The following CXADR variants were observed in gnomAD, a reference collection of about 807,000 sequenced individuals.
The protein encoded by CXADR is coxsackievirus and adenovirus receptor.
In CXADR, 20 loss-of-function variants were observed where a neutral mutation model predicts 40.3. That is an observed-to-expected ratio of 0.50 (90% CI 0.35 to 0.72). The LOEUF (loss-of-function observed/expected upper bound fraction) is 0.72. Among genes scored for constraint, CXADR ranks in the 30% least tolerant of loss-of-function variants. The pLI, the probability that CXADR is intolerant of heterozygous loss-of-function variation, is 0.01. For missense variants in CXADR, 332 were observed against 449.1 expected, an observed-to-expected ratio of 0.74 and a Z score of 2.36; for synonymous variants, 150 against 161.3, an observed-to-expected ratio of 0.93 and a Z score of 0.53.
At chr21:17,622,818 A>G in the CXADR span, among the ~76,000 whole-genome samples, 1 of 152,222 alleles carries the variant, frequency 6.6e-6, no homozygotes, top group Non-Finnish European at 1.5e-5. Context: ...TGAATGTTCA[A>G]CATAAATATA....
chr21:17,571,666 T>C (rs2061278504), downstream of CXADR, among the ~76,000 whole-genome samples: 1 of 152,210 alleles, frequency 6.6e-6, no homozygotes, highest in South Asian at 2.1e-4. Flanking sequence ...TCTGCCGGTA[T>C]TTCCAAAATG....
chr21:17,575,618 G>A (rs1395675519), intron 7 of CXADR, among the ~76,000 whole-genome samples: 1 of 151,476 alleles, frequency 6.6e-6, no homozygotes, highest in Non-Finnish European at 1.5e-5. Context: ...AGCCTCTCAA[G>A]TAGCTGGGAC....
the CXADR span, among the ~76,000 whole-genome samples, chr21:17,600,120 TAA>T: frequency 6.6e-6 from 1 of 152,156 alleles, no homozygotes; most frequent in Non-Finnish European, 1.5e-5. Flanking sequence ...TCAAAATATG[TAA>T]CATATGCTGC....
intron 1 of CXADR, among the ~76,000 whole-genome samples, chr21:17,513,409 G>A (rs1460848879): frequency 6.6e-6 from 1 of 151,996 alleles, no homozygotes; most frequent in African/African-American, 2.4e-5. Flanking sequence ...CGGAGCCCTC[G>A]GCGGGGGGTG....
At chr21:17,579,615 G>A (rs1008516439) in intron 7 of CXADR, among the ~76,000 whole-genome samples, 1 of 152,164 alleles carries the variant, frequency 6.6e-6, no homozygotes, top group Non-Finnish European at 1.5e-5. Context: ...GTATAGGTGA[G>A]GCCATTCCCT....
chr21:17,594,723 C>A (rs2061482149), downstream of CXADR, among the ~76,000 whole-genome samples: 1 of 152,094 alleles, frequency 6.6e-6, no homozygotes, highest in South Asian at 2.1e-4. Flanking sequence ...AGGCCATTAT[C>A]CTTAGCAAAC....
chr21:17,533,481 G>C (rs1379286265), intron 1 of CXADR, among the ~76,000 whole-genome samples: 1 of 152,196 alleles, frequency 6.6e-6, no homozygotes, highest in Admixed American at 6.5e-5. Flanking sequence ...TCTACATACA[G>C]AGTGAGTGTG....
chr21:17,518,420 AT>A (rs1164078609), intron 1 of CXADR: 1 of 622,250 alleles, frequency 1.6e-6, no homozygotes, highest in African/African-American at 1.8e-5. Flanking sequence ...CAAAATATTT[AT>A]ATTAGTGAAC....
At chr21:17,593,127 GAT>G in intron 7 of CXADR, 1 of 1,396,090 alleles carries the variant, frequency 7.2e-7, no homozygotes, top group South Asian at 1.8e-5. Context: ...CTCTTATAGA[GAT>G]ATCTCTTTTT....
downstream of CXADR, chr21:17,593,942 A>C: frequency 1.0e-6 from 1 of 998,462 alleles, no homozygotes; most frequent in Non-Finnish European, 1.4e-6. Flanking sequence ...TTTTTTAAGA[A>C]AGATTATTCT....
intron 1 of CXADR, among the ~76,000 whole-genome samples, chr21:17,544,075 G>GA (rs944774209): frequency 5.1e-4 from 77 of 151,850 alleles, no homozygotes; most frequent in African/African-American, 1.8e-3. Context: ...ATTTATAGAG[G>GA]AAAAAAAATT....
rs576800577 is a variant in CXADR at position 17,549,301 on chromosome 21, G to T, written c.210+2108G>T. On this transcript the variant is annotated intron_variant, in intron 2 of 6. Coordinates refer to ENST00000284878, the MANE Select transcript of CXADR (RefSeq NM_001338.5). ...TCTCACAGCTGCTCTGTTATCATTT[G>T]CACTGTCCTCTGCTGCCTCCCGTGT... Among the ~76,000 whole-genome samples the T allele has an allele frequency of 1.6e-4, 24 of 152,294 alleles. No homozygotes were observed. In the East Asian group the frequency reaches 4.2e-3, roughly 27 times the overall value.
At chr21:17,578,828 A>C (rs1489698766) in intron 7 of CXADR, among the ~76,000 whole-genome samples, 1 of 152,172 alleles carries the variant, frequency 6.6e-6, no homozygotes, top group Non-Finnish European at 1.5e-5. Flanking sequence ...TGTCTTCAAA[A>C]AAATTAAGAA....
intron 1 of CXADR, among the ~76,000 whole-genome samples, chr21:17,534,826 C>G (rs542795269): frequency 1.4e-3 from 184 of 130,946 alleles, no homozygotes; most frequent in African/African-American, 5.3e-3. Context: ...TGCTCTGTCA[C>G]CAGGCTGGAG....
At chr21:17,529,955 T>C (rs112030926) in intron 1 of CXADR, among the ~76,000 whole-genome samples, 3,063 of 151,666 alleles carry the variant, frequency 0.02, 107 homozygotes, top group African/African-American at 0.067. Flanking sequence ...TTTTCTTTTT[T>C]TTTTTTAATT....
intron 1 of CXADR, among the ~76,000 whole-genome samples, chr21:17,544,871 T>G (rs1350538644): frequency 6.6e-6 from 1 of 152,220 alleles, no homozygotes; most frequent in Non-Finnish European, 1.5e-5. Flanking sequence ...GTCTATTGGC[T>G]TTGACTTTAT....
At chr21:17,526,508 G>A (rs139065865) in intron 1 of CXADR, among the ~76,000 whole-genome samples, 63 of 152,232 alleles carry the variant, frequency 4.1e-4, no homozygotes, top group East Asian at 4.1e-3. Flanking sequence ...AATTTGCCTA[G>A]GTGGGGAAAT....
intron 1 of CXADR, among the ~76,000 whole-genome samples, chr21:17,537,953 T>G (rs896422268): frequency 1.3e-5 from 2 of 152,032 alleles, no homozygotes; most frequent in Non-Finnish European, 2.9e-5. Context: ...GGGGCTGAAC[T>G]GAGACCATAG....
In CXADR at chr21:17,563,591, G is replaced by C. The variant is rs1391761213; in HGVS notation, c.834-1837G>C. Reference sequence around the variant, plus strand: ...GTATGATTATGAGAAAGTTTGAACTGTTGTGAGAATTTCCAAAATGCAACA... The same window carrying C: ...GTATGATTATGAGAAAGTTTGAACTCTTGTGAGAATTTCCAAAATGCAACA... On this transcript the variant is annotated intron_variant, in intron 6 of 6. Transcript: ENST00000284878. Among the ~76,000 whole-genome samples, 2 of 152,130 alleles carry C rather than the reference G, an allele frequency of 1.3e-5. 1 individual carries two copies. The highest frequency in any genetic ancestry group is 4.2e-4 in the South Asian group (2 of 4,816).
Sources: gnomAD v4.1 joint callset for allele counts (sites outside exome capture counted in the v4.1 genomes callset) on GRCh38, gnomAD v4.1.1 for gene constraint, MANE v1.5 for transcripts, NCBI Gene and HGNC (gene_info 2026-07-23, HGNC 2026-07-21) for gene names.